Variants in MTHFD2L observed in about 807,000 individuals in gnomAD.
MTHFD2L encodes the protein methylenetetrahydrofolate dehydrogenase (NADP+ dependent) 2 like, also known as bifunctional methylenetetrahydrofolate dehydrogenase/cyclohydrolase 2, mitochondrial.
MTHFD2L carries 29 observed loss-of-function variants against 34.9 expected under a neutral mutation model. That is an observed-to-expected ratio of 0.83 (90% CI 0.62 to 1.13). The LOEUF (loss-of-function observed/expected upper bound fraction) is 1.13. MTHFD2L is among the 50% of genes most tolerant of loss of function. The pLI, the probability that MTHFD2L is intolerant of heterozygous loss-of-function variation, is 0.00. For missense variants in MTHFD2L, 481 were observed against 446.5 expected, an observed-to-expected ratio of 1.08 and a Z score of -0.70; for synonymous variants, 167 against 155.7, an observed-to-expected ratio of 1.07 and a Z score of -0.54.
chr4:74,151,404 C>T (rs1481468586), intron 1 of MTHFD2L, among the ~76,000 whole-genome samples: 4 of 152,102 alleles, frequency 2.6e-5, no homozygotes, highest in Admixed American at 6.6e-5. Flanking sequence ...GTTCTCTGTA[C>T]CTTAGCGATG....
At chr4:74,167,256 G>A (rs574969582) in intron 1 of MTHFD2L, among the ~76,000 whole-genome samples, 2 of 152,302 alleles carry the variant, frequency 1.3e-5, no homozygotes, top group South Asian at 4.1e-4. Flanking sequence ...ATGCCGGATG[G>A]CCCATCAAGA....
chr4:74,212,614 T>G (rs1736522707), intron 5 of MTHFD2L, among the ~76,000 whole-genome samples: 1 of 152,120 alleles, frequency 6.6e-6, no homozygotes, highest in Non-Finnish European at 1.5e-5. Context: ...TTACTTCCAA[T>G]TATGTGCTCA....
At chr4:74,141,454 T>C (rs992607825) in intron 1 of MTHFD2L, among the ~76,000 whole-genome samples, 2 of 152,230 alleles carry the variant, frequency 1.3e-5, no homozygotes, top group Admixed American at 6.5e-5. Context: ...CCTTAATGAG[T>C]TTAATCTGTC....
chr4:74,151,085 A>G (rs1723909627), intron 1 of MTHFD2L, among the ~76,000 whole-genome samples: 1 of 152,112 alleles, frequency 6.6e-6, no homozygotes, highest in South Asian at 2.1e-4. Context: ...AACATTGGTT[A>G]TATATTGACA....
intron 5 of MTHFD2L, among the ~76,000 whole-genome samples, chr4:74,216,134 T>G (rs1454935600): frequency 6.6e-6 from 1 of 151,852 alleles, no homozygotes; most frequent in African/African-American, 2.4e-5. Context: ...CATAAAATGC[T>G]TGTTAACAAA....
At chr4:74,233,587 T>C (rs1361372866) in intron 6 of MTHFD2L, among the ~76,000 whole-genome samples, 1 of 152,044 alleles carries the variant, frequency 6.6e-6, no homozygotes, top group Non-Finnish European at 1.5e-5. Flanking sequence ...ATGTTTTAAA[T>C]GAAAATATAT....
rs1721651926 is a variant in MTHFD2L, at chr4:74,116,113, C to T, written c.-144+1456C>T. Among the ~76,000 whole-genome samples, 3 of 152,174 alleles carry T rather than the reference C, an allele frequency of 2.0e-5. No homozygotes were observed. The South Asian group carries it at 6.2e-4, about 32-fold the overall frequency. On this transcript the variant is annotated intron_variant and NMD_transcript_variant, in intron 2 of 9. Coordinates refer to the MTHFD2L transcript ENST00000429519. The stretch of plus-strand genomic sequence containing the variant: ...ATATTCTCCACACTAGCTCCTGGAT[C>T]TGTGCATTTCAACCTTGTCTCTTCC...
intron 1 of MTHFD2L, among the ~76,000 whole-genome samples, chr4:74,173,056 A>T (rs771656271): frequency 6.6e-6 from 1 of 151,950 alleles, no homozygotes; most frequent in African/African-American, 2.4e-5. Context: ...TCTGCTTCTT[A>T]CTCTTTCCCT....
chr4:74,263,996 G>C (rs887163928), intron 6 of MTHFD2L, among the ~76,000 whole-genome samples: 7 of 151,962 alleles, frequency 4.6e-5, no homozygotes, highest in Non-Finnish European at 8.8e-5. Context: ...CATTTGACAA[G>C]ATCTATCATC....
At chr4:74,298,642 A>T (rs1196440272) in intron 7 of MTHFD2L, among the ~76,000 whole-genome samples, 1 of 152,078 alleles carries the variant, frequency 6.6e-6, no homozygotes, top group Non-Finnish European at 1.5e-5. Context: ...CCAGCTGTGT[A>T]ATTTGAAGTG....
chr4:74,251,030 TCTCCTTCTCCA>T (rs985235430), intron 6 of MTHFD2L, among the ~76,000 whole-genome samples: 96 of 152,146 alleles, frequency 6.3e-4, no homozygotes, highest in African/African-American at 2.2e-3. Context: ...ATTTATGGCT[TCTCCTTCTCCA>T]CGACTTCAGA....
intron 7 of MTHFD2L, among the ~76,000 whole-genome samples, chr4:74,290,981 T>C (rs1748821659): frequency 6.7e-6 from 1 of 149,914 alleles, no homozygotes; most frequent in Middle Eastern, 3.2e-3. Context: ...TAGCTTCCTG[T>C]CTTACATTTA....
rs116023986 is a variant in MTHFD2L at position 74,193,223 on chromosome 4, C to T, written c.452-6571C>T. ...CTATTTGTTGAAAACACTTTGCTTT[C>T]GCATTGAATTACTATGGCATTTTTG... On this transcript the variant is annotated intron_variant, in intron 3 of 7. Transcript: ENST00000325278. Among the ~76,000 whole-genome samples, 1,321 of 152,264 alleles carry T rather than the reference C, an allele frequency of 8.7e-3. 18 individuals are homozygous for T. The highest frequency in any genetic ancestry group is 0.026 in the South Asian group (125 of 4,830).
rs760128533 is a variant in MTHFD2L at position 74,174,562 on chromosome 4, T to G, written c.200T>G (p.Ile67Arg). 1.9e-6 allele frequency: 3 copies of G among 1,603,826 alleles called. No individual in the cohort carries two copies. The highest frequency in any genetic ancestry group is 1.7e-6 in the Non-Finnish European group (2 of 1,175,910). The change falls in exon 2 of 8, where the codon ATA (isoleucine) becomes AGA (arginine). Residue 67 changes from isoleucine (I) to arginine (R), a missense_variant. Coordinates refer to ENST00000325278, the MANE Select transcript of MTHFD2L (RefSeq NM_001144978.3). The part of the protein sequence containing the change: ...TEMAKHIQKE[I>R]QRGVESWVSL... The stretch of plus-strand genomic sequence containing the variant: ...ATGGCCAAGCATATCCAGAAAGAAA[T>G]ACAGCGAGGTGTGGAATCATGGGTT...
intron 1 of MTHFD2L, among the ~76,000 whole-genome samples, chr4:74,125,905 T>C (rs1722034767): frequency 6.6e-6 from 1 of 152,296 alleles, no homozygotes; most frequent in Non-Finnish European, 1.5e-5. Context: ...TTATTAAATA[T>C]GTTAACAAAA....
chr4:74,265,828 C>T (rs1745219542), intron 6 of MTHFD2L, among the ~76,000 whole-genome samples: 1 of 152,142 alleles, frequency 6.6e-6, no homozygotes, highest in Non-Finnish European at 1.5e-5. Flanking sequence ...CAACATTTGT[C>T]CAGCAAGATT....
chr4:74,150,527 T>G (rs562442332), intron 1 of MTHFD2L, among the ~76,000 whole-genome samples: 1 of 152,356 alleles, frequency 6.6e-6, no homozygotes, highest in Non-Finnish European at 1.5e-5. Context: ...GTCCTGGGAT[T>G]ACAGGCGTAA....
intron 6 of MTHFD2L, among the ~76,000 whole-genome samples, chr4:74,276,361 A>G (rs57516973): frequency 0.044 from 6,751 of 152,178 alleles, 467 homozygotes; most frequent in African/African-American, 0.15. Context: ...AGCTTTTAAT[A>G]TATAAGCTAT....
chr4:74,237,435 G>A (rs2110158384), intron 6 of MTHFD2L, among the ~76,000 whole-genome samples: 1 of 152,244 alleles, frequency 6.6e-6, no homozygotes, highest in South Asian at 2.1e-4. Flanking sequence ...GATCATTTGA[G>A]GTCAGGAGTT....
Sources: gnomAD v4.1 joint callset for allele counts (sites outside exome capture counted in the v4.1 genomes callset) on GRCh38, gnomAD v4.1.1 for gene constraint, MANE v1.5 for transcripts, NCBI Gene and HGNC (gene_info 2026-07-23, HGNC 2026-07-21) for gene names.